ATRNL1: variants seen among roughly 807,000 people sequenced by gnomAD.
ATRNL1 encodes attractin like 1.
Under a neutral mutation model 182.7 loss-of-function variants are expected in ATRNL1, and 95 were observed. The ratio of observed to expected loss-of-function variants is 0.52; its 90% CI spans 0.44 to 0.62. ATRNL1 has a LOEUF of 0.62. Among genes scored for constraint, ATRNL1 ranks in the 20% least tolerant of loss-of-function variants. ATRNL1 has a pLI of 0.00. For missense variants in ATRNL1, 1,471 were observed against 1,679.5 expected, an observed-to-expected ratio of 0.88 and a Z score of 2.17; for synonymous variants, 576 against 568.3, an observed-to-expected ratio of 1.01 and a Z score of -0.19.
chr10:115,506,002 G>C (rs1850094068), intron 24 of ATRNL1, among the ~76,000 whole-genome samples: 1 of 151,262 alleles, frequency 6.6e-6, no homozygotes, highest in African/African-American at 2.4e-5. Context: ...ACTCCAGCAT[G>C]GGTGGACAGC....
At chr10:115,875,243 T>C (rs1240997765) in intron 28 of ATRNL1, among the ~76,000 whole-genome samples, 1 of 152,216 alleles carries the variant, frequency 6.6e-6, no homozygotes, top group African/African-American at 2.4e-5. Context: ...TGAGAGATCT[T>C]TTCTGGTTGA....
intron 25 of ATRNL1, among the ~76,000 whole-genome samples, chr10:115,527,402 T>A (rs1303114401): frequency 6.6e-6 from 1 of 152,164 alleles, no homozygotes; most frequent in Non-Finnish European, 1.5e-5. Context: ...ATTACAGGCA[T>A]GAGCCACTGT....
intron 27 of ATRNL1, among the ~76,000 whole-genome samples, chr10:115,744,437 C>T (rs1948231823): frequency 6.6e-6 from 1 of 152,054 alleles, no homozygotes; most frequent in Non-Finnish European, 1.5e-5. Flanking sequence ...TCTTCTTCTG[C>T]TACTGCTTCT....
intron 8 of ATRNL1, among the ~76,000 whole-genome samples, chr10:115,179,448 C>G (rs1420807238): frequency 6.6e-6 from 1 of 152,122 alleles, no homozygotes; most frequent in Non-Finnish European, 1.5e-5. Flanking sequence ...AACACTCCCT[C>G]CTCTTGCTTT....
chr10:115,746,427 C>A (rs1424488739), intron 27 of ATRNL1, among the ~76,000 whole-genome samples: 1 of 151,878 alleles, frequency 6.6e-6, no homozygotes, highest in Non-Finnish European at 1.5e-5. Flanking sequence ...AATCATTATA[C>A]CTGAATGGGA....
intron 3 of ATRNL1, 133 bp from the exon 4 acceptor site, chr10:115,127,460 A>G (rs1213835453): frequency 3.3e-6 from 2 of 610,274 alleles, no homozygotes; most frequent in African/African-American, 3.9e-5. Flanking sequence ...TTTTAGATGT[A>G]TTCTCCTTTT....
chr10:115,095,289 A>G (rs1224813481), intron 1 of ATRNL1, among the ~76,000 whole-genome samples: 1 of 152,056 alleles, frequency 6.6e-6, no homozygotes, highest in Non-Finnish European at 1.5e-5. Context: ...TCTAAGGCAA[A>G]GGTAAGACTG....
intron 20 of ATRNL1, among the ~76,000 whole-genome samples, chr10:115,400,315 A>G (rs1482221591): frequency 6.6e-6 from 1 of 152,088 alleles, no homozygotes; most frequent in East Asian, 1.9e-4. Context: ...AAGAGACTGT[A>G]ATGATTTCAG....
chr10:115,948,670 G>A lies in ATRNL1; in HGVS notation c.*3891G>A, dbSNP rs1163900671. On this transcript the variant is annotated 3_prime_UTR_variant, in exon 29 of 29. Coordinates refer to ENST00000355044, the MANE Select transcript of ATRNL1 (RefSeq NM_207303.4). ...GCTGCCTTTAATCGACCATTAGAGG[G>A]AGTTCTCTAAATAACAAAGTTATTA... The A allele has an allele frequency of 6.6e-6, 1 of 152,164 alleles. No homozygotes were observed. The highest frequency in any genetic ancestry group is 1.9e-4 in the East Asian group (1 of 5,190). 9.4% of individuals were successfully genotyped at this position (152,164 alleles called of 1,614,324 possible). A position where few individuals can be genotyped will look rare whatever the true frequency, so the allele number is the denominator to read the frequency against.
At chr10:115,606,895 G>A (rs1856903447) in intron 26 of ATRNL1, among the ~76,000 whole-genome samples, 1 of 151,872 alleles carries the variant, frequency 6.6e-6, no homozygotes, top group Non-Finnish European at 1.5e-5. Flanking sequence ...TTCTTTAGCT[G>A]TCACTAAGAT....
At chr10:115,094,820 G>C (rs978343943) in intron 1 of ATRNL1, among the ~76,000 whole-genome samples, 2 of 152,176 alleles carry the variant, frequency 1.3e-5, no homozygotes, top group African/African-American at 4.8e-5. Context: ...AATTTGCTGT[G>C]TTGTATTTGC....
chr10:115,327,936 G>A (rs1485813308), intron 18 of ATRNL1, among the ~76,000 whole-genome samples: 1 of 151,668 alleles, frequency 6.6e-6, no homozygotes, highest in Non-Finnish European at 1.5e-5. Context: ...GGACTGTTGT[G>A]GGGTGGGGGG....
chr10:115,290,021 T>C (rs1204797584), intron 15 of ATRNL1, among the ~76,000 whole-genome samples: 1 of 152,278 alleles, frequency 6.6e-6, no homozygotes, highest in African/African-American at 2.4e-5. Flanking sequence ...TTGCATGGAA[T>C]GTCATTCCAT....
chr10:115,650,781 G>C (rs540213130), intron 26 of ATRNL1, among the ~76,000 whole-genome samples: 69 of 152,136 alleles, frequency 4.5e-4, no homozygotes, highest in African/African-American at 1.6e-3. Context: ...AGCTTATGGA[G>C]TGTTGTGTTG....
intron 26 of ATRNL1, among the ~76,000 whole-genome samples, chr10:115,706,765 A>G (rs1946912878): frequency 6.6e-6 from 1 of 151,964 alleles, no homozygotes; most frequent in Non-Finnish European, 1.5e-5. Flanking sequence ...AGTCATGTAT[A>G]GTGCCATGCA....
intron 9 of ATRNL1, among the ~76,000 whole-genome samples, chr10:115,228,633 A>G (rs955647584): frequency 4.6e-5 from 7 of 152,300 alleles, no homozygotes; most frequent in East Asian, 1.9e-4. Context: ...GAAAAAGCAC[A>G]GTAAGTTTTA....
intron 5 of ATRNL1, among the ~76,000 whole-genome samples, chr10:115,133,641 G>A (rs1185221905): frequency 6.6e-6 from 1 of 151,964 alleles, no homozygotes; most frequent in East Asian, 1.9e-4. Flanking sequence ...CAGATCAATA[G>A]ACAGAAGGTT....
chr10:115,363,549 T>C (rs1322305649), intron 19 of ATRNL1, among the ~76,000 whole-genome samples: 3 of 148,220 alleles, frequency 2.0e-5, no homozygotes, highest in Non-Finnish European at 4.5e-5. Flanking sequence ...AATTTTGTCT[T>C]TTGTTGCCAT....
At chr10:115,589,078 T>A (rs74158392) in intron 26 of ATRNL1, among the ~76,000 whole-genome samples, 3,030 of 152,246 alleles carry the variant, frequency 0.02, 96 homozygotes, top group African/African-American at 0.069. Context: ...AGAGATATGA[T>A]AAGAAATATA....
Sources: allele counts gnomAD v4.1 joint callset (sites outside exome capture counted in the v4.1 genomes callset), GRCh38; gene constraint gnomAD v4.1.1; transcripts MANE v1.5; gene names NCBI Gene and HGNC (gene_info 2026-07-23, HGNC 2026-07-21).